The following SWT1 variants were observed in gnomAD, a reference collection of about 807,000 sequenced individuals.
SWT1 encodes transcriptional protein SWT1.
A neutral mutation model predicts 107.3 loss-of-function variants in SWT1; 33 were observed. That is an observed-to-expected ratio of 0.31 (90% CI 0.23 to 0.41). The LOEUF is 0.41. Ranked by LOEUF, SWT1 falls within the 10% of genes least tolerant of loss-of-function variation. SWT1 has a pLI of 1.00. For missense variants in SWT1, 898 were observed against 1,028.9 expected, an observed-to-expected ratio of 0.87 and a Z score of 1.74; for synonymous variants, 345 against 348.3, an observed-to-expected ratio of 0.99 and a Z score of 0.11.
chr1:185,211,419 T>A (rs999873495), intron 13 of SWT1, among the ~76,000 whole-genome samples: 1 of 152,156 alleles, frequency 6.6e-6, no homozygotes, highest in Non-Finnish European at 1.5e-5. Context: ...TATCTATTTT[T>A]ATAAGTTACC....
At chr1:185,244,523 C>T (rs777295647) in intron 16 of SWT1, among the ~76,000 whole-genome samples, 2 of 151,960 alleles carry the variant, frequency 1.3e-5, no homozygotes, top group African/African-American at 2.4e-5. Context: ...GAACACTTAC[C>T]ACAATGTAGC....
At chr1:185,253,225 C>A (rs890923583) in intron 16 of SWT1, among the ~76,000 whole-genome samples, 2 of 150,682 alleles carry the variant, frequency 1.3e-5, no homozygotes, top group African/African-American at 4.9e-5. Context: ...GTGATACCTC[C>A]AGCTTTGTTC....
chr1:185,229,112 T>G (rs182564710), intron 15 of SWT1, among the ~76,000 whole-genome samples: 1 of 152,280 alleles, frequency 6.6e-6, no homozygotes, highest in East Asian at 1.9e-4. Flanking sequence ...AAGATTGCTT[T>G]GCCTTGTTGA....
At chr1:185,189,022 AGGCTGGAGTGCAGTGGCACGATCAT>A in intron 9 of SWT1, among the ~76,000 whole-genome samples, 1 of 152,148 alleles carries the variant, frequency 6.6e-6, no homozygotes, top group African/African-American at 2.4e-5. Context: ...CCTGTCACCC[AGGCTGGAGTGCAGTGGCACGATCAT>A]AGCTCACTGT....
At chr1:185,240,223 T>A (rs1172980304) in intron 16 of SWT1, among the ~76,000 whole-genome samples, 1 of 152,044 alleles carries the variant, frequency 6.6e-6, no homozygotes, top group Non-Finnish European at 1.5e-5. Flanking sequence ...AGGTAGAAAT[T>A]ATGTTTTAAA....
intron 10 of SWT1, among the ~76,000 whole-genome samples, chr1:185,198,199 G>T (rs547280925): frequency 1.3e-5 from 2 of 151,972 alleles, no homozygotes; most frequent in South Asian, 4.1e-4. Flanking sequence ...TTATTTACTC[G>T]GTAGTCATTC....
chr1:185,264,183 G>T, intron 16 of SWT1: 1 of 204,226 alleles, frequency 4.9e-6, no homozygotes, highest in Non-Finnish European at 8.6e-6. Context: ...GTTCACATTT[G>T]GCGCCTCTTT....
chr1:185,191,742 A>G (rs1656967555), intron 10 of SWT1, among the ~76,000 whole-genome samples: 1 of 152,192 alleles, frequency 6.6e-6, no homozygotes, highest in African/African-American at 2.4e-5. Flanking sequence ...GATAAATTCG[A>G]GAAGTAATTC....
intron 16 of SWT1, among the ~76,000 whole-genome samples, chr1:185,251,874 A>G (rs1662056576): frequency 6.6e-6 from 1 of 151,934 alleles, no homozygotes; most frequent in African/African-American, 2.4e-5. Flanking sequence ...TACATGTGCC[A>G]TGCTGGTGCG....
chr1:185,211,269 ATCACACTGCC>A lies in SWT1; in HGVS notation c.1973-3236_1973-3227del, dbSNP rs1658780151. ...AAGCAAAATGAACAAAACTGGAAGC[ATCACACTGCC>A]TGACTTCAAACTATACTACAAGGCT... On this transcript the variant is annotated intron_variant, in intron 13 of 18. Transcript: ENST00000367500. 2.0e-5 allele frequency among the ~76,000 whole-genome samples: 3 copies of A among 152,206 alleles called. No individual in the cohort carries two copies. The South Asian group carries it at 6.2e-4, about 31-fold the overall frequency.
chr1:185,185,078 GT>G, intron 9 of SWT1, 147 bp downstream of exon 9: 1 of 517,070 alleles, frequency 1.9e-6, no homozygotes, highest in Non-Finnish European at 3.2e-6. Flanking sequence ...TTGTGGCTTA[GT>G]TTAGGAGTCT....
intron 13 of SWT1, among the ~76,000 whole-genome samples, chr1:185,207,066 A>C (rs1658389174): frequency 6.6e-6 from 1 of 152,208 alleles, no homozygotes; most frequent in Non-Finnish European, 1.5e-5. Context: ...GAAAACTTTT[A>C]AAACCATGTT....
chr1:185,208,759 T>A (rs10911690), intron 13 of SWT1, among the ~76,000 whole-genome samples: 31,124 of 148,876 alleles, frequency 0.21, 4,124 homozygotes, highest in Non-Finnish European at 0.3. Flanking sequence ...TTTTTTTTGA[T>A]CTCCTAACAT....
At chr1:185,166,463 C>G in intron 2 of SWT1, 109 bp from the exon 3 acceptor site, 1 of 687,414 alleles carries the variant, frequency 1.5e-6, no homozygotes, top group Non-Finnish European at 2.4e-6. Context: ...CACCGAAGTT[C>G]ATTATTGAAT....
At chr1:185,212,117 TAGTG>T (rs1320232819) in intron 13 of SWT1, among the ~76,000 whole-genome samples, 1 of 152,034 alleles carries the variant, frequency 6.6e-6, no homozygotes, top group East Asian at 1.9e-4. Flanking sequence ...AATGATGAGT[TAGTG>T]GGTGCAGCAC....
At chr1:185,269,373 G>GTTTTTTTTTTTTTTTTTTTTT (rs59417358) in intron 16 of SWT1, among the ~76,000 whole-genome samples, 1 of 125,350 alleles carries the variant, frequency 8.0e-6, no homozygotes, top group Admixed American at 8.0e-5. Flanking sequence ...AGAGGTTTTT[G>GTTTTTTTTTTTTTTTTTTTTT]TTTTTTTTTT....
intron 11 of SWT1, among the ~76,000 whole-genome samples, chr1:185,203,051 A>G (rs2102455355): frequency 6.6e-6 from 1 of 152,348 alleles, no homozygotes; most frequent in Admixed American, 6.5e-5. Flanking sequence ...ACGCTTACAT[A>G]CATTTTTACA....
At chr1:185,212,379 G>C (rs1186137639) in intron 13 of SWT1, among the ~76,000 whole-genome samples, 4 of 152,018 alleles carry the variant, frequency 2.6e-5, no homozygotes, top group African/African-American at 9.7e-5. Flanking sequence ...TCCTGGCAGG[G>C]GGGTCTGCTC....
At chr1:185,258,568 A>T (rs758484463) in intron 16 of SWT1, among the ~76,000 whole-genome samples, 6 of 151,848 alleles carry the variant, frequency 4.0e-5, no homozygotes, top group Non-Finnish European at 7.4e-5. Flanking sequence ...TTCATTCTTG[A>T]TTGATAATTT....
Sources: gnomAD v4.1 joint callset for allele counts (sites outside exome capture counted in the v4.1 genomes callset) on GRCh38, gnomAD v4.1.1 for gene constraint, MANE v1.5 for transcripts, NCBI Gene and HGNC (gene_info 2026-07-23, HGNC 2026-07-21) for gene names.